Variants in ADSS1 observed in about 807,000 individuals in gnomAD.
ADSS1 encodes the protein adenylosuccinate synthetase isozyme 1.
A neutral mutation model predicts 59.1 loss-of-function variants in ADSS1; 57 were observed. That is an observed-to-expected ratio of 0.97 (90% confidence interval 0.78 to 1.20). ADSS1 has a LOEUF of 1.20. ADSS1 is among the 50% of genes most tolerant of loss of function. The pLI is 0.00. For missense variants in ADSS1, 603 were observed against 610.3 expected (o/e 0.99, Z 0.13); for synonymous variants, 247 against 249.4 (o/e 0.99, Z 0.09).
rs117207658 is a variant in ADSS1, at chr14:104,745,997, A to G, written c.1172-239A>G. 2.3e-4 allele frequency: 103 copies of G among 441,254 alleles called. 2 individuals carry two copies. The highest frequency in any genetic ancestry group is 2.0e-3 in the East Asian group (55 of 27,600). 27.3% of individuals were successfully genotyped at this position (441,254 alleles called of 1,614,324 possible). A position where few individuals can be genotyped will look rare whatever the true frequency, so the allele number is the denominator to read the frequency against. On this transcript the variant is annotated intron_variant, in intron 11 of 12. Coordinates refer to ENST00000330877, the MANE Select transcript of ADSS1 (RefSeq NM_152328.5). ...GAGGTTCTAGCAGAGTGGGTAGCACATATGTGTCATGTCCCTCTGGTCTGG... is the reference window on the plus strand; with the variant it reads ...GAGGTTCTAGCAGAGTGGGTAGCACGTATGTGTCATGTCCCTCTGGTCTGG...
chr14:104,742,403 G>A (rs1341604124), intron 9 of ADSS1, among the ~76,000 whole-genome samples: 1 of 152,226 alleles, frequency 6.6e-6, no homozygotes, highest in Non-Finnish European at 1.5e-5. Flanking sequence ...CCAGGTTGGG[G>A]GGTCCTCTGT....
Position 104,741,831 on chromosome 14 carries a change from C to T in ADSS1, c.794-17C>T, listed in dbSNP as rs375399587. The T allele has an allele frequency of 1.9e-6, 3 of 1,612,686 alleles. No individual in the cohort carries two copies. Among genetic ancestry groups the T allele is most frequent in the Non-Finnish European group, 2.5e-6 (3 of 1,179,682 alleles). The stretch of plus-strand genomic sequence containing the variant: ...AGGGGGTGACAGGTAGCCCCCTAAA[C>T]CTGCTCTGTCTTGCAGGGACCTACC... On this transcript the variant is annotated splice_polypyrimidine_tract_variant and intron_variant, in intron 8 of 12. Transcript: ENST00000330877.
chr14:104,727,340 C>T (rs572185157), intron 1 of ADSS1, among the ~76,000 whole-genome samples: 40 of 152,192 alleles, frequency 2.6e-4, no homozygotes, highest in African/African-American at 6.3e-4. Flanking sequence ...CACCTCACAC[C>T]TCGGCTGTCT....
At chr14:104,733,869 GGA>G (rs938791565) in intron 1 of ADSS1, among the ~76,000 whole-genome samples, 2 of 152,140 alleles carry the variant, frequency 1.3e-5, no homozygotes, top group South Asian at 2.1e-4. Flanking sequence ...TGGAGCTCAA[GGA>G]GAGAGGGCAA....
intron 1 of ADSS1, among the ~76,000 whole-genome samples, chr14:104,727,933 C>G (rs1890765252): frequency 6.6e-6 from 1 of 152,232 alleles, no homozygotes; most frequent in Non-Finnish European, 1.5e-5. Context: ...AGTACACGGG[C>G]TGAAGGGGCC....
intron 10 of ADSS1, among the ~76,000 whole-genome samples, chr14:104,743,870 G>A (rs4983386): frequency 0.56 from 84,522 of 152,222 alleles, 24,658 homozygotes; most frequent in African/African-American, 0.71. Context: ...CCTTGTGCGC[G>A]ATGCAGGGTT....
intron 1 of ADSS1, among the ~76,000 whole-genome samples, chr14:104,731,199 C>T (rs1389859129): frequency 1.3e-5 from 2 of 152,180 alleles, no homozygotes; most frequent in Non-Finnish European, 2.9e-5. Context: ...CTCACTCGCA[C>T]CCTTGCATCA....
intron 1 of ADSS1, among the ~76,000 whole-genome samples, chr14:104,726,107 G>GGCC (rs1772212603): frequency 6.6e-6 from 1 of 152,218 alleles, no homozygotes; most frequent in Admixed American, 6.5e-5. Flanking sequence ...ACCCCCACCA[G>GGCC]GCCACCCTAT....
intron 12 of ADSS1, 96 bp from the exon 13 acceptor site, chr14:104,746,855 C>T: frequency 7.8e-7 from 1 of 1,286,398 alleles, no homozygotes. Flanking sequence ...CCCCTTTTAC[C>T]ATTTGAACTA....
At chr14:104,734,359 T>C (rs187617750) in intron 1 of ADSS1, among the ~76,000 whole-genome samples, 355 of 152,276 alleles carry the variant, frequency 2.3e-3, no homozygotes, top group Middle Eastern at 0.017. Context: ...TCCTCTAGCT[T>C]CCACTGGCAC....
At chr14:104,737,201 T>A (rs1325480788) in intron 2 of ADSS1, 1 of 152,108 alleles carries the variant, frequency 6.6e-6, no homozygotes, top group South Asian at 2.1e-4. Context: ...TCGTACAGAA[T>A]TTTTTACTGT....
chr14:104,730,194 T>C (rs953624819), intron 1 of ADSS1: 1 of 1,523,084 alleles, frequency 6.6e-7, no homozygotes, highest in African/African-American at 1.4e-5. Flanking sequence ...GCCGGATCCT[T>C]AACACCTGGA....
At chr14:104,729,784 T>C in intron 1 of ADSS1, 1 of 279,054 alleles carries the variant, frequency 3.6e-6, no homozygotes, top group Non-Finnish European at 5.8e-6. Flanking sequence ...GAGCGTGGCG[T>C]CGGCGTCGTG....
At chr14:104,727,687 T>C (rs1890756335) in intron 1 of ADSS1, among the ~76,000 whole-genome samples, 1 of 152,114 alleles carries the variant, frequency 6.6e-6, no homozygotes, top group African/African-American at 2.4e-5. Context: ...ACCCCTCAAA[T>C]GGGCAGCTGA....
At chr14:104,732,488 C>T (rs1211049135) in intron 1 of ADSS1, among the ~76,000 whole-genome samples, 1 of 152,214 alleles carries the variant, frequency 6.6e-6, no homozygotes, top group Non-Finnish European at 1.5e-5. Context: ...GGCTCAGCGT[C>T]CTGAGCTGGC....
rs778317397 is a variant in ADSS1 at position 104,735,108 on chromosome 14, C to T, written c.281C>T (p.Ala94Val). 11 of 1,610,748 alleles carry T rather than the reference C, an allele frequency of 6.8e-6. No homozygotes were observed. In the African/African-American group the frequency reaches 1.3e-4, roughly 20 times the overall value. The part of the protein sequence containing the change: ...LLPSGIINTK[A>V]VSFIGNGVVI... Reference sequence around the variant, plus strand: ...CCCAGCGGCATCATCAACACCAAGGCCGTGTCCTTCATTGGTGAGTGCCCT... The same window carrying T: ...CCCAGCGGCATCATCAACACCAAGGTCGTGTCCTTCATTGGTGAGTGCCCT... The change falls in exon 2 of 13, where the codon GCC becomes GTC. Residue 94 changes from alanine (A) to valine (V), a missense_variant. Coordinates refer to ENST00000330877, the MANE Select transcript of ADSS1 (RefSeq NM_152328.5).
rs1891484587 is a variant in ADSS1 at position 104,744,499 on chromosome 14, TG to T, written c.1074-312del. On this transcript the variant is annotated intron_variant, in intron 10 of 12. Coordinates refer to ENST00000330877, the MANE Select transcript of ADSS1 (RefSeq NM_152328.5). ...TTTCGGGATGAAACTGTCCCACCTC[TG>T]ATCTTCAGGCATTCGATTCTCACAA... The T allele has an allele frequency of 5.0e-5, 14 of 277,888 alleles. No homozygotes were observed. The South Asian group carries it at 1.1e-3, about 22-fold the overall frequency. 17.2% of individuals were successfully genotyped at this position (277,888 alleles called of 1,614,324 possible).
In ADSS1 at chr14:104,744,813, C is replaced by G; in HGVS notation, c.1075C>G (p.Leu359Val). The change falls in exon 11 of 13, where the codon CTG (leucine) becomes GTG (valine). Residue 359 changes from leucine to valine, a missense_variant and splice_region_variant. Transcript: ENST00000330877. ...YAHMVNGFTA[L>V]ALTKLDILDV... is the part of the protein sequence containing the mutation. ...GCCCGGCCCCTTGGCTTTCCACAGG[C>G]TGGCCCTGACGAAGCTGGACATCCT... The G allele has an allele frequency of 6.2e-7, 1 of 1,614,174 alleles. No homozygotes were observed. Among genetic ancestry groups the G allele is most frequent in the Non-Finnish European group, 8.5e-7 (1 of 1,180,028 alleles).
chr14:104,740,887 A>C lies in ADSS1; in HGVS notation c.633A>C (p.Glu211Asp). Residue 211 changes from glutamate (E) to aspartate (D), a missense_variant, in exon 7 of 13, where the codon GAA becomes GAC. Glu to Asp is a conservative substitution (Grantham distance 45). Coordinates refer to ENST00000330877, the MANE Select transcript of ADSS1 (RefSeq NM_152328.5). The surrounding 1 kb of genome is among the most constrained non-coding windows in gnomAD (Gnocchi z 4.8). ...HQHQSMFPTL[E>D]IDIEGQLKRL... ...ACCAGTCGATGTTCCCCACCCTGGA[A>C]ATAGACATTGAAGGCCAACTCAAAA... The C allele has an allele frequency of 6.2e-7, 1 of 1,613,916 alleles. No homozygotes were observed. Among genetic ancestry groups the C allele is most frequent in the Non-Finnish European group, 8.5e-7 (1 of 1,180,016 alleles).
Sources: gnomAD v4.1 joint callset for allele counts (sites outside exome capture counted in the v4.1 genomes callset) on GRCh38, gnomAD v4.1.1 for gene constraint, Gnocchi (gnomAD v3.1) non-coding constraint, MANE v1.5 for transcripts, NCBI Gene and HGNC (gene_info 2026-07-23, HGNC 2026-07-21) for gene names.